OR52K1: variants seen among roughly 807,000 people sequenced by gnomAD.
OR52K1 encodes the protein olfactory receptor family 52 subfamily K member 1.
Under a neutral mutation model 8.7 loss-of-function variants are expected in OR52K1, and 10 were observed. The observed-to-expected ratio is 1.15, with a 90% confidence interval of 0.71 to 1.95. The LOEUF is 1.95. Ranked by LOEUF, OR52K1 falls within the 30% of genes most tolerant of loss-of-function variation. The pLI, the probability that OR52K1 is intolerant of heterozygous loss-of-function variation, is 0.00. For synonymous variants in OR52K1, 203 were observed against 148.5 expected, an observed-to-expected ratio of 1.37 and a Z score of -2.67; for missense variants, 431 against 397.2, an observed-to-expected ratio of 1.08 and a Z score of -0.72.
Position 4,489,676 on chromosome 11 carries a change from T to G in OR52K1, c.776T>G (p.Ile259Ser), listed in dbSNP as rs760367652. The change falls in exon 2 of 2, where the codon ATC (isoleucine) becomes AGC (serine). Residue 259 changes from isoleucine to serine, a missense_variant. Coordinates refer to ENST00000641528, the MANE Select transcript of OR52K1 (RefSeq NM_001005171.3). ...AILSTYTPVV[I>S]SSVMHRVARH... ...CTGTCCACCTACACTCCAGTAGTCATCTCTTCAGTCATGCACCGTGTAGCC... is the reference window on the plus strand; with the variant it reads ...CTGTCCACCTACACTCCAGTAGTCAGCTCTTCAGTCATGCACCGTGTAGCC... 6.2e-7 allele frequency: 1 copy of G among 1,614,088 alleles called. No individual in the cohort carries two copies. The highest frequency in any genetic ancestry group is 1.3e-5 in the African/African-American group (1 of 74,944).
chr11:4,488,224 A>G (rs1846336151), intron 1 of OR52K1, among the ~76,000 whole-genome samples: 2 of 152,262 alleles, frequency 1.3e-5, no homozygotes, highest in African/African-American at 2.4e-5. Context: ...AGAAATTTCT[A>G]CAATGATGGA....
intron 1 of OR52K1, 77 bp from the exon 2 acceptor site, chr11:4,488,496 T>C (rs1846338274): frequency 6.0e-6 from 1 of 165,340 alleles, no homozygotes; most frequent in Admixed American, 5.5e-5. Flanking sequence ...GAATTTAGCT[T>C]AACTGAAAGG....
intron 1 of OR52K1, among the ~76,000 whole-genome samples, chr11:4,486,943 T>C (rs1210629933): frequency 6.6e-6 from 1 of 152,172 alleles, no homozygotes; most frequent in Non-Finnish European, 1.5e-5. Flanking sequence ...AATATGGTGG[T>C]ACACGAGAAA....
chr11:4,489,988 A>C lies in OR52K1; in HGVS notation c.*143A>C. On this transcript the variant is annotated 3_prime_UTR_variant, in exon 2 of 2. Coordinates refer to ENST00000641528, the MANE Select transcript of OR52K1 (RefSeq NM_001005171.3). The stretch of plus-strand genomic sequence containing the variant: ...TAAGGAAAATGAGGTTTCATTCCTC[A>C]CAGATCTACGAGTCAGGTCAAACCA... 1.5e-6 allele frequency: 1 copy of C among 662,404 alleles called. No individual in the cohort carries two copies. The highest frequency in any genetic ancestry group is 2.6e-6 in the Non-Finnish European group (1 of 389,718). 41.0% of individuals were successfully genotyped at this position (662,404 alleles called of 1,614,324 possible). A position where few individuals can be genotyped will look rare whatever the true frequency, so the allele number is the denominator to read the frequency against.
At position 4,489,047 on chromosome 11, in the gene OR52K1, C is replaced by A. The variant is rs1157063698; in HGVS notation, c.147C>A (p.Phe49Leu). The A allele has an allele frequency of 1.2e-6, 2 of 1,614,158 alleles. No homozygotes were observed. Among genetic ancestry groups the A allele is most frequent in the Non-Finnish European group, 1.7e-6 (2 of 1,179,970 alleles). Residue 49 changes from phenylalanine (F) to leucine (L), a missense_variant, in exon 2 of 2, where the codon TTC (phenylalanine) becomes TTA (leucine). Transcript: ENST00000641528. ...LALLGNCTLL[F>L]IIQADAALHE... ...TGCTAGGCAACTGTACCCTTCTCTT[C>A]ATTATCCAGGCTGATGCAGCCCTCC... is the stretch of plus-strand genomic sequence containing the variant.
chr11:4,485,804 G>A (rs1169943216), intron 1 of OR52K1, among the ~76,000 whole-genome samples: 3 of 152,164 alleles, frequency 2.0e-5, no homozygotes, highest in Admixed American at 6.5e-5. Flanking sequence ...CCTTGATTCT[G>A]AGAGAAATGG....
intron 1 of OR52K1, among the ~76,000 whole-genome samples, chr11:4,484,833 G>GACACACACACACAC (rs57428088): frequency 4.4e-5 from 5 of 113,606 alleles, no homozygotes; most frequent in African/African-American, 1.7e-4. Flanking sequence ...AAAACACACA[G>GACACACACACACAC]ACACACACAC....
In OR52K1 at chr11:4,492,713, T is replaced by A. The variant is rs1015280294; in HGVS notation, c.*2868T>A. The stretch of plus-strand genomic sequence containing the variant: ...TCAGTTCTACAAAAAGAAGCTCCCA[T>A]ACATACTTTTACATGATCTACTTAT... On this transcript the variant is annotated 3_prime_UTR_variant, in exon 2 of 2. Transcript: ENST00000641528. 1.3e-5 allele frequency: 2 copies of A among 152,164 alleles called. No homozygotes were observed. The highest frequency in any genetic ancestry group is 1.5e-5 in the Non-Finnish European group (1 of 68,034). The allele number at this position is 152,164 out of a possible 1,614,324, so 9.4% of individuals were successfully genotyped here. A position where few individuals can be genotyped will look rare whatever the true frequency, so the allele number is the denominator to read the frequency against.
At chr11:4,483,683 G>C (rs1168371328) in intron 1 of OR52K1, among the ~76,000 whole-genome samples, 2 of 152,170 alleles carry the variant, frequency 1.3e-5, no homozygotes, top group African/African-American at 4.8e-5. Flanking sequence ...ATGTTTAAAA[G>C]TTGAATGGAG....
At position 4,490,796 on chromosome 11, in the gene OR52K1, A is replaced by AG; in HGVS notation, c.*953dup. 6.6e-6 allele frequency: 1 copy of AG among 152,226 alleles called. No individual in the cohort carries two copies. Among genetic ancestry groups the AG allele is most frequent in the Non-Finnish European group, 1.5e-5 (1 of 68,044 alleles). 9.4% of individuals were successfully genotyped at this position (152,226 alleles called of 1,614,324 possible). A position where few individuals can be genotyped will look rare whatever the true frequency, so the allele number is the denominator to read the frequency against. ...AGTTACATGTACAGGTTTGTTATCT[A>AG]GGTAAAGCCATGTTATGGGGGTTTT... On this transcript the variant is annotated 3_prime_UTR_variant, in exon 2 of 2. Transcript: ENST00000641528.
rs189294155 is a variant in OR52K1, at chr11:4,492,347, G to A, written c.*2502G>A. ...CTTTCCCTCTACCAGAAGAATAAGC[G>A]TATCACAGCCTAGACTCATGATGAA... On this transcript the variant is annotated 3_prime_UTR_variant, in exon 2 of 2. Coordinates refer to ENST00000641528, the MANE Select transcript of OR52K1 (RefSeq NM_001005171.3). 10 of 152,252 alleles carry A rather than the reference G, an allele frequency of 6.6e-5. No homozygotes were observed. Among genetic ancestry groups the A allele is most frequent in the South Asian group, 2.1e-4 (1 of 4,820 alleles). The allele number at this position is 152,252 out of a possible 1,614,324, so 9.4% of individuals were successfully genotyped here.
chr11:4,486,800 TTTAG>T (rs1455209263), intron 1 of OR52K1, among the ~76,000 whole-genome samples: 1 of 152,226 alleles, frequency 6.6e-6, no homozygotes, highest in Non-Finnish European at 1.5e-5. Flanking sequence ...TGTCATTAAA[TTTAG>T]TTAGTATATT....
At position 4,492,001 on chromosome 11, in the gene OR52K1, A is replaced by C. The variant is rs1031983642; in HGVS notation, c.*2156A>C. 2.0e-5 allele frequency: 3 copies of C among 152,120 alleles called. No homozygotes were observed. Among genetic ancestry groups the C allele is most frequent in the Admixed American group, 6.5e-5 (1 of 15,268 alleles). The allele number at this position is 152,120 out of a possible 1,614,324, so 9.4% of individuals were successfully genotyped here. A position where few individuals can be genotyped will look rare whatever the true frequency, so the allele number is the denominator to read the frequency against. ...AGAAAGACAAGAAGTTGCCTGGTCC[A>C]TATAGACACGTGTTATTGCAGAGGT... On this transcript the variant is annotated 3_prime_UTR_variant, in exon 2 of 2. Coordinates refer to ENST00000641528, the MANE Select transcript of OR52K1 (RefSeq NM_001005171.3).
rs768866273 is a variant in OR52K1, at chr11:4,492,639, C to G, written c.*2794C>G. 1.3e-5 allele frequency: 2 copies of G among 152,174 alleles called. No homozygotes were observed. Among genetic ancestry groups the G allele is most frequent in the Non-Finnish European group, 2.9e-5 (2 of 68,028 alleles). 9.4% of individuals were successfully genotyped at this position (152,174 alleles called of 1,614,324 possible). ...TACAGCATATCATAAAATTATTTCA[C>G]TTATCTCTGCTTTTGTCTTTCAAAC... On this transcript the variant is annotated 3_prime_UTR_variant, in exon 2 of 2. Coordinates refer to ENST00000641528, the MANE Select transcript of OR52K1 (RefSeq NM_001005171.3).
At position 4,489,747 on chromosome 11, in the gene OR52K1, C is replaced by A. The variant is rs1405162439; in HGVS notation, c.847C>A (p.Leu283Ile). The A allele has an allele frequency of 1.9e-6, 3 of 1,614,182 alleles. No individual in the cohort carries two copies. Among genetic ancestry groups the A allele is most frequent in the Non-Finnish European group, 2.5e-6 (3 of 1,180,018 alleles). ...CCACATACTCCTTGCTATTTTCTAT[C>A]TCCTTTTCCCACCCATGGTCAATCC... ...RVHILLAIFY[L>I]LFPPMVNPII... is the part of the protein sequence containing the mutation. Residue 283 changes from leucine (L) to isoleucine (I), a missense_variant, in exon 2 of 2, where the codon CTC becomes ATC. Leu to Ile is a conservative substitution (Grantham distance 5, BLOSUM62 2). Coordinates refer to ENST00000641528, the MANE Select transcript of OR52K1 (RefSeq NM_001005171.3).
rs1407731038 is a variant in OR52K1, at chr11:4,483,100, C to G, written c.-405C>G. ...GCTTTTTCTAACCCCTGGCAAATGC[C>G]CCATCCCAGTTAAAGGGCTTCTGCA... On this transcript the variant is annotated 5_prime_UTR_variant, in exon 1 of 2. Coordinates refer to ENST00000641528, the MANE Select transcript of OR52K1 (RefSeq NM_001005171.3). The G allele has an allele frequency of 2.5e-6, 1 of 398,386 alleles. No homozygotes were observed. Among genetic ancestry groups the G allele is most frequent in the Non-Finnish European group, 4.4e-6 (1 of 226,008 alleles). The allele number at this position is 398,386 out of a possible 1,614,324, so 24.7% of individuals were successfully genotyped here.
chr11:4,485,843 G>T (rs331507), intron 1 of OR52K1, among the ~76,000 whole-genome samples: 1 of 152,134 alleles, frequency 6.6e-6, no homozygotes, highest in South Asian at 2.1e-4. Context: ...ACAAAGGCCT[G>T]TGGGGCCCTG....
chr11:4,489,578 A>T lies in OR52K1; in HGVS notation c.678A>T (p.Ala226=), dbSNP rs1245562661. ...TGTCTTATGTCTTCATCCTTCAGGC[A>T]GTTCTCCAGCTTGCCTCTCAGGAGG... The part of the protein sequence containing the change: ...VILSYVFILQ[A]VLQLASQEAR... The change falls in exon 2 of 2, where the codon GCA becomes GCT. Residue 226 remains alanine, a synonymous_variant. Transcript: ENST00000641528. 1 of 1,614,196 alleles carries T rather than the reference A, an allele frequency of 6.2e-7. No individual in the cohort carries two copies.
At chr11:4,484,510 G>A (rs1289865678) in intron 1 of OR52K1, among the ~76,000 whole-genome samples, 1 of 152,096 alleles carries the variant, frequency 6.6e-6, no homozygotes, top group Non-Finnish European at 1.5e-5. Flanking sequence ...GATATGGGCA[G>A]CACAAGAAGA....
Sources: gnomAD v4.1 joint callset for allele counts (sites outside exome capture counted in the v4.1 genomes callset) on GRCh38, gnomAD v4.1.1 for gene constraint, MANE v1.5 for transcripts, NCBI Gene and HGNC (gene_info 2026-07-23, HGNC 2026-07-21) for gene names.